Variants in ANKFN1 observed in about 807,000 individuals in gnomAD.
ANKFN1 encodes the protein ankyrin repeat and fibronectin type-III domain-containing protein 1.
In ANKFN1, 74 loss-of-function variants were observed where a neutral mutation model predicts 108.7. The observed-to-expected ratio is 0.68, with a 90% confidence interval of 0.56 to 0.83. The LOEUF (loss-of-function observed/expected upper bound fraction) is 0.83, where lower values mean the gene tolerates loss of function less well. Among genes scored for constraint, ANKFN1 ranks in the 40% least tolerant of loss-of-function variants. ANKFN1 has a pLI of 0.00. For synonymous variants in ANKFN1, 547 were observed against 516.2 expected (o/e 1.06, Z -0.81); for missense variants, 1,505 against 1,382.3 (o/e 1.09, Z -1.41).
intron 7 of ANKFN1, among the ~76,000 whole-genome samples, chr17:56,374,237 T>A (rs966207740): frequency 2.0e-5 from 3 of 152,166 alleles, no homozygotes; most frequent in Non-Finnish European, 4.4e-5. Flanking sequence ...AAGCCTCCAG[T>A]GAAACGATGT....
At chr17:56,430,439 T>C (rs2048714497) in intron 8 of ANKFN1, among the ~76,000 whole-genome samples, 1 of 151,548 alleles carries the variant, frequency 6.6e-6, no homozygotes, top group South Asian at 2.1e-4. Flanking sequence ...AGACTTCAGT[T>C]AGTAATACTG....
intron 4 of ANKFN1, among the ~76,000 whole-genome samples, chr17:56,134,841 C>T (rs1907503361): frequency 6.6e-6 from 1 of 152,180 alleles, no homozygotes; most frequent in African/African-American, 2.4e-5. Context: ...ACCTCCATCT[C>T]AATCAACTAT....
intron 1 of ANKFN1, among the ~76,000 whole-genome samples, chr17:56,188,581 G>GTGTGTATATATATATATATA (rs1212242378): frequency 8.1e-5 from 4 of 49,644 alleles, no homozygotes; most frequent in Admixed American, 2.8e-4. Context: ...GTGTGTGTGT[G>GTGTGTATATATATATATATA]TATATATATA....
At chr17:56,496,706 C>A (rs894578382) in intron 19 of ANKFN1, among the ~76,000 whole-genome samples, 1 of 152,068 alleles carries the variant, frequency 6.6e-6, no homozygotes, top group African/African-American at 2.4e-5. Context: ...ATAAACGCCT[C>A]CTCTCAAAAT....
intron 4 of ANKFN1, among the ~76,000 whole-genome samples, chr17:56,096,417 G>T (rs556149699): frequency 6.6e-6 from 1 of 152,304 alleles, no homozygotes; most frequent in African/African-American, 2.4e-5. Context: ...CCAGACTTTG[G>T]TTCAGATTCC....
intron 1 of ANKFN1, among the ~76,000 whole-genome samples, chr17:56,194,870 A>G (rs1913355951): frequency 6.6e-6 from 1 of 152,200 alleles, no homozygotes; most frequent in African/African-American, 2.4e-5. Context: ...TTTTGCTGTG[A>G]ATCTAAAACT....
intron 8 of ANKFN1, among the ~76,000 whole-genome samples, chr17:56,387,045 G>A (rs1462732755): frequency 6.6e-6 from 1 of 151,836 alleles, no homozygotes; most frequent in Non-Finnish European, 1.5e-5. Context: ...TTATGCTTTT[G>A]TGCCTTTTCT....
intron 6 of ANKFN1, among the ~76,000 whole-genome samples, chr17:56,364,617 T>C (rs2046613612): frequency 6.6e-6 from 1 of 152,242 alleles, no homozygotes; most frequent in Non-Finnish European, 1.5e-5. Context: ...GGCTTGCATG[T>C]TGTGCTTTTA....
chr17:56,085,319 C>A (rs1273544516), intron 4 of ANKFN1, among the ~76,000 whole-genome samples: 1 of 150,368 alleles, frequency 6.7e-6, no homozygotes. Context: ...GAGTCCTAAA[C>A]CCTTTGACAA....
At chr17:56,099,279 A>T (rs1567786579) in intron 4 of ANKFN1, among the ~76,000 whole-genome samples, 1 of 152,208 alleles carries the variant, frequency 6.6e-6, no homozygotes, top group East Asian at 1.9e-4. Context: ...AGTTACTTCG[A>T]TGCTTAATTT....
chr17:56,318,002 A>G (rs1395151999), intron 3 of ANKFN1, among the ~76,000 whole-genome samples: 5 of 152,212 alleles, frequency 3.3e-5, no homozygotes, highest in African/African-American at 9.7e-5. Context: ...CCACCAGGAA[A>G]TAGCATTGCC....
intron 3 of ANKFN1, among the ~76,000 whole-genome samples, chr17:56,313,240 T>C (rs1175377841): frequency 6.6e-6 from 1 of 151,614 alleles, no homozygotes; most frequent in African/African-American, 2.4e-5. Flanking sequence ...GGAAATGATA[T>C]TTAAGCCAAG....
At position 56,047,525 on chromosome 17, in the gene ANKFN1, T is replaced by C. The variant is rs573668146; in HGVS notation, c.288+1200T>C. On this transcript the variant is annotated intron_variant, in intron 4 of 12. Transcript: ENST00000635860. ...TTGGGTGCACAACTGAATGCTGTTATGTGGGAGTCAGGGCCCCAGCTCCCA... is the reference window on the plus strand; with the variant it reads ...TTGGGTGCACAACTGAATGCTGTTACGTGGGAGTCAGGGCCCCAGCTCCCA... Among the ~76,000 whole-genome samples the C allele has an allele frequency of 4.6e-5, 7 of 152,244 alleles. No individual in the cohort carries two copies. The East Asian group carries it at 1.2e-3, about 25-fold the overall frequency.
intron 1 of ANKFN1, among the ~76,000 whole-genome samples, chr17:56,208,877 T>TA (rs1555610607): frequency 2.0e-5 from 3 of 151,628 alleles, no homozygotes; most frequent in Admixed American, 6.6e-5. Flanking sequence ...CCTCTTTTAT[T>TA]TTATTATTAT....
At chr17:56,377,483 G>T (rs1276592643) in intron 8 of ANKFN1, among the ~76,000 whole-genome samples, 1 of 151,472 alleles carries the variant, frequency 6.6e-6, no homozygotes, top group Admixed American at 6.6e-5. Context: ...AGTAAAACGG[G>T]GCTAGGAGAT....
At chr17:56,464,792 C>T (rs1403739717) in intron 14 of ANKFN1, among the ~76,000 whole-genome samples, 2 of 152,146 alleles carry the variant, frequency 1.3e-5, no homozygotes, top group Non-Finnish European at 1.5e-5. Context: ...GCTGTCTGAG[C>T]TGTAAAGACT....
intron 3 of ANKFN1, among the ~76,000 whole-genome samples, chr17:56,229,779 A>G (rs1916588307): frequency 6.6e-6 from 1 of 150,974 alleles, no homozygotes; most frequent in Non-Finnish European, 1.5e-5. Context: ...AGACACATAC[A>G]GGGTGCTTAG....
chr17:56,231,063 G>A (rs763542), intron 3 of ANKFN1, among the ~76,000 whole-genome samples: 1 of 152,076 alleles, frequency 6.6e-6, no homozygotes, highest in African/African-American at 2.4e-5. Flanking sequence ...TTTTAGCTGA[G>A]GCTTTCATTG....
At chr17:56,199,203 G>GT in intron 1 of ANKFN1, among the ~76,000 whole-genome samples, 1 of 137,502 alleles carries the variant, frequency 7.3e-6, no homozygotes, top group Non-Finnish European at 1.6e-5. Context: ...GTTGCTTTAT[G>GT]TTTTTTGTTG....
Sources: gnomAD v4.1 joint callset for allele counts (sites outside exome capture counted in the v4.1 genomes callset) on GRCh38, gnomAD v4.1.1 for gene constraint, MANE v1.5 for transcripts, NCBI Gene and HGNC (gene_info 2026-07-23, HGNC 2026-07-21) for gene names.